The following CLUAP1 variants were observed in gnomAD, a reference collection of about 807,000 sequenced individuals.
The protein encoded by CLUAP1 is clusterin-associated protein 1.
A neutral mutation model predicts 55.0 loss-of-function variants in CLUAP1; 50 were observed. The ratio of observed to expected loss-of-function variants is 0.91; its 90% CI spans 0.72 to 1.15. The LOEUF is 1.15. Ranked by LOEUF, CLUAP1 falls within the 50% of genes most tolerant of loss-of-function variation. The probability of loss-of-function intolerance (pLI) is 0.00; values close to 1 mark genes in which losing one functional copy is unlikely to be tolerated. For missense variants in CLUAP1, 530 were observed against 507.6 expected (o/e 1.04, Z -0.42); for synonymous variants, 195 against 175.4 (o/e 1.11, Z -0.88).
At chr16:3,524,270 C>G (rs2037895554) in intron 8 of CLUAP1, among the ~76,000 whole-genome samples, 1 of 150,892 alleles carries the variant, frequency 6.6e-6, no homozygotes, top group African/African-American at 2.4e-5. Flanking sequence ...CCACTGCACT[C>G]CAGCTCGGTT....
intron 4 of CLUAP1, among the ~76,000 whole-genome samples, chr16:3,509,236 G>A (rs2037570891): frequency 1.3e-5 from 2 of 152,188 alleles, no homozygotes; most frequent in African/African-American, 2.4e-5. Context: ...GCAACAGAAC[G>A]AGACCTTGTC....
intron 6 of CLUAP1, among the ~76,000 whole-genome samples, chr16:3,516,751 A>G (rs2037736622): frequency 6.6e-6 from 1 of 152,208 alleles, no homozygotes; most frequent in Non-Finnish European, 1.5e-5. Context: ...ACACTCATAC[A>G]TTTCTTAGCT....
At position 3,532,830 on chromosome 16, in the gene CLUAP1, T is replaced by G; in HGVS notation, c.1081T>G (p.Ser361Ala). 1 of 1,614,176 alleles carries G rather than the reference T, an allele frequency of 6.2e-7. No homozygotes were observed. Among genetic ancestry groups the G allele is most frequent in the Non-Finnish European group, 8.5e-7 (1 of 1,180,014 alleles). ...RIVGTMQGGD[S>A]DDNEDSEESE... ...TGTGGGCACGATGCAAGGTGGAGAC[T>G]CCGATGACAATGTAAGTCCCCCGCT... The change falls in exon 11 of 12, where the codon TCC (serine) becomes GCC (alanine). Residue 361 changes from serine to alanine, a missense_variant. Physicochemically the swap from Ser to Ala is moderately conservative, Grantham distance 99 (BLOSUM62 1). Transcript: ENST00000576634.
At chr16:3,533,074 T>TTCTTTCCATTCTTGTG in intron 11 of CLUAP1, 1 of 1,535,044 alleles carries the variant, frequency 6.5e-7, no homozygotes, top group Middle Eastern at 1.7e-4. Flanking sequence ...CTTCTCACTG[T>TTCTTTCCATTCTTGTG]TCTTTCCATT....
In CLUAP1 at chr16:3,513,457, T is replaced by C. The variant is rs545571822; in HGVS notation, c.495+979T>C. On this transcript the variant is annotated intron_variant, in intron 5 of 11. Transcript: ENST00000576634. ...TGTTTATTTTTTATTTTTTTAATTTTGTTATTTTTTTTGAGACAGTCTCAC... is the reference window on the plus strand; with the variant it reads ...TGTTTATTTTTTATTTTTTTAATTTCGTTATTTTTTTTGAGACAGTCTCAC... Among the ~76,000 whole-genome samples, 416 of 152,278 alleles carry C rather than the reference T, an allele frequency of 2.7e-3. 2 individuals are homozygous for C. The highest frequency in any genetic ancestry group is 5.0e-3 in the Non-Finnish European group (342 of 68,018).
chr16:3,507,734 A>T (rs925500073), intron 3 of CLUAP1, among the ~76,000 whole-genome samples: 6 of 149,968 alleles, frequency 4.0e-5, no homozygotes, highest in South Asian at 2.1e-4. Flanking sequence ...AAAAATATAT[A>T]TTTTTCCTTT....
chr16:3,534,810 T>G (rs2038199453), intron 11 of CLUAP1: 1 of 152,088 alleles, frequency 6.6e-6, no homozygotes, highest in Admixed American at 6.6e-5. Context: ...AAAGTTTGAT[T>G]TTGGACATTC....
chr16:3,505,302 G>A lies in CLUAP1; in HGVS notation c.134+471G>A, dbSNP rs564774342. 3.6e-3 allele frequency among the ~76,000 whole-genome samples: 547 copies of A among 152,238 alleles called. 4 individuals carry two copies. The highest frequency in any genetic ancestry group is 0.011 in the African/African-American group (442 of 41,550). ...TCCCAGCACTTTGGGAGGCCGAGGCGGGTGGATCACGAGGTCAGGAGATCA... is the reference window on the plus strand; with the variant it reads ...TCCCAGCACTTTGGGAGGCCGAGGCAGGTGGATCACGAGGTCAGGAGATCA... On this transcript the variant is annotated intron_variant, in intron 2 of 11. Transcript: ENST00000576634.
intron 7 of CLUAP1, among the ~76,000 whole-genome samples, chr16:3,521,196 C>G (rs554449029): frequency 1.6e-4 from 25 of 152,092 alleles, no homozygotes; most frequent in African/African-American, 6.0e-4. Context: ...AAGTCATTGC[C>G]GCCATATAGA....
chr16:3,504,034 C>A (rs539264889), intron 1 of CLUAP1, among the ~76,000 whole-genome samples: 2 of 152,256 alleles, frequency 1.3e-5, no homozygotes, highest in East Asian at 3.9e-4. Flanking sequence ...TGTTCATTTC[C>A]AAGTCCTGCT....
intron 5 of CLUAP1, 64 bp from the exon 6 acceptor site, chr16:3,515,444 A>G (rs1005999636): frequency 8.5e-7 from 1 of 1,173,620 alleles, no homozygotes; most frequent in Non-Finnish European, 1.2e-6. Flanking sequence ...ATCTAGATCT[A>G]GGAATACTGG....
At position 3,536,297 on chromosome 16, in the gene CLUAP1, A is replaced by G; in HGVS notation, c.*26A>G. ...CCCTTTTGCCAAGGGACCCTGGCAGATTAAAACCCTCAGACTTGTAGGTAA... is the reference window on the plus strand; with the variant it reads ...CCCTTTTGCCAAGGGACCCTGGCAGGTTAAAACCCTCAGACTTGTAGGTAA... On this transcript the variant is annotated 3_prime_UTR_variant, in exon 12 of 12. Coordinates refer to ENST00000576634, the MANE Select transcript of CLUAP1 (RefSeq NM_015041.3). 6.2e-7 allele frequency: 1 copy of G among 1,610,204 alleles called. No individual in the cohort carries two copies. The highest frequency in any genetic ancestry group is 8.5e-7 in the Non-Finnish European group (1 of 1,177,536).
rs548023122 is a variant in CLUAP1 at position 3,527,366 on chromosome 16, A to C, written c.928+882A>C. On this transcript the variant is annotated intron_variant, in intron 9 of 11. Transcript: ENST00000576634. ...TGAGGGGACATGGTGAGAAGTGACC[A>C]GAAGACAAGAGTGCAAACCTTCTGT... is the stretch of plus-strand genomic sequence containing the variant. 7.9e-5 allele frequency among the ~76,000 whole-genome samples: 12 copies of C among 152,192 alleles called. No homozygotes were observed. In the South Asian group the frequency reaches 2.5e-3, roughly 32 times the overall value.
In CLUAP1 at chr16:3,535,959, G is replaced by C. The variant is rs2038222981; in HGVS notation, c.1093-163G>C. The C allele has an allele frequency of 2.8e-5, 20 of 708,200 alleles. No individual in the cohort carries two copies. In the East Asian group the frequency reaches 5.5e-4, roughly 19 times the overall value. The allele number at this position is 708,200 out of a possible 1,614,324, so 43.9% of individuals were successfully genotyped here. On this transcript the variant is annotated intron_variant, in intron 11 of 11. Coordinates refer to ENST00000576634, the MANE Select transcript of CLUAP1 (RefSeq NM_015041.3). ...GATAAATTCCAGCTGGCAGTACATA[G>C]CCTCAGTCCCATCTGTATGCCCTCC...
chr16:3,530,584 C>G lies in CLUAP1; in HGVS notation c.945C>G (p.Asp315Glu). 1 of 1,613,840 alleles carries G rather than the reference C, an allele frequency of 6.2e-7. No homozygotes were observed. The highest frequency in any genetic ancestry group is 8.5e-7 in the Non-Finnish European group (1 of 1,179,870). ...TCCTGCTAGGTAACGATGACTCGGA[C>G]ATAGACATCCAGGAGGACGATGAAT... ...LLKSGSNDDS[D>E]IDIQEDDESD... The change falls in exon 10 of 12, where the codon GAC (aspartate) becomes GAG (glutamate). Residue 315 changes from aspartate (D) to glutamate (E), a missense_variant. Transcript: ENST00000576634.
chr16:3,501,428 T>G (rs902548570), intron 1 of CLUAP1, among the ~76,000 whole-genome samples: 5 of 152,238 alleles, frequency 3.3e-5, no homozygotes, highest in African/African-American at 1.2e-4. Context: ...GCTACCGTAT[T>G]GGAAAATGCA....
chr16:3,529,657 ATATTATATAT>A (rs1236463024), intron 9 of CLUAP1, among the ~76,000 whole-genome samples: 430 of 18,166 alleles, frequency 0.024, 33 homozygotes, highest in African/African-American at 0.13. Flanking sequence ...ATATTATTAT[ATATTATATAT>A]TATTATATAT....
chr16:3,527,691 C>T (rs2037973483), intron 9 of CLUAP1, among the ~76,000 whole-genome samples: 1 of 152,160 alleles, frequency 6.6e-6, no homozygotes, highest in Admixed American at 6.5e-5. Context: ...AGTCTGCCTT[C>T]ATGTTCTGTC....
At chr16:3,496,838 T>G, upstream of CLUAP1, 1 of 306,368 alleles carries the variant, frequency 3.3e-6, no homozygotes, top group Non-Finnish European at 6.4e-6. Flanking sequence ...AATTTTCTCT[T>G]GTCACAGACG....
Sources: gnomAD v4.1 joint callset for allele counts (sites outside exome capture counted in the v4.1 genomes callset) on GRCh38, gnomAD v4.1.1 for gene constraint, MANE v1.5 for transcripts, NCBI Gene and HGNC (gene_info 2026-07-23, HGNC 2026-07-21) for gene names.